The following MBNL2 variants were observed in gnomAD, a reference collection of about 807,000 sequenced individuals.
The protein encoded by MBNL2 is muscleblind-like protein 2.
A neutral mutation model predicts 41.9 loss-of-function variants in MBNL2; 17 were observed. The ratio of observed to expected loss-of-function variants is 0.41; its 90% CI spans 0.28 to 0.61. The LOEUF (loss-of-function observed/expected upper bound fraction) is 0.61. Among genes scored for constraint, MBNL2 ranks in the 20% least tolerant of loss-of-function variants. The pLI is 0.35. For missense variants in MBNL2, 336 were observed against 505.6 expected, an observed-to-expected ratio of 0.66 and a Z score of 3.22; for synonymous variants, 195 against 182.9, an observed-to-expected ratio of 1.07 and a Z score of -0.53.
chr13:97,355,474 T>C (rs2062904121), intron 5 of MBNL2, among the ~76,000 whole-genome samples: 1 of 152,174 alleles, frequency 6.6e-6, no homozygotes, highest in Non-Finnish European at 1.5e-5. Context: ...GAATATAATA[T>C]TTGTATTTAT....
At chr13:97,159,546 T>G in the MBNL2 span, among the ~76,000 whole-genome samples, 3 of 152,164 alleles carry the variant, frequency 2.0e-5, no homozygotes, top group Non-Finnish European at 4.4e-5. Context: ...GGTTGTTACT[T>G]TCCATGTTTA....
the MBNL2 span, among the ~76,000 whole-genome samples, chr13:97,183,823 A>G: frequency 6.6e-6 from 1 of 152,300 alleles, no homozygotes; most frequent in South Asian, 2.1e-4. Context: ...GGCATTACCA[A>G]TCTTTCTCAG....
chr13:97,313,344 T>G (rs537093237), intron 2 of MBNL2, among the ~76,000 whole-genome samples: 14 of 152,348 alleles, frequency 9.2e-5, no homozygotes, highest in Admixed American at 9.1e-4. Flanking sequence ...TGCATCTAAC[T>G]GCACTCTTGT....
the MBNL2 span, among the ~76,000 whole-genome samples, chr13:97,163,626 C>T: frequency 1.3e-5 from 2 of 152,132 alleles, no homozygotes; most frequent in Non-Finnish European, 2.9e-5. Flanking sequence ...ACCTGAATAC[C>T]CACTGGGTGA....
the MBNL2 span, among the ~76,000 whole-genome samples, chr13:97,157,434 G>C: frequency 8.0e-6 from 1 of 124,466 alleles, no homozygotes; most frequent in Non-Finnish European, 1.7e-5. Context: ...ACACTATGTT[G>C]AATAGGAGTG....
the MBNL2 span, among the ~76,000 whole-genome samples, chr13:97,210,571 ATTTTTTTTTTTTTTTTTT>A: frequency 2.9e-4 from 19 of 65,410 alleles, no homozygotes; most frequent in Admixed American, 1.0e-3. Flanking sequence ...ACAACTGTGA[ATTTTTTTTTTTTTTTTTT>A]TTTTTTTTTT....
intron 1 of MBNL2, among the ~76,000 whole-genome samples, chr13:97,271,112 GTT>G (rs369155404): frequency 8.5e-4 from 114 of 133,396 alleles, no homozygotes; most frequent in Middle Eastern, 3.9e-3. Context: ...GCTCTTTTTT[GTT>G]TTTTTTTTTT....
intron 2 of MBNL2, among the ~76,000 whole-genome samples, chr13:97,281,348 C>T (rs1049331886): frequency 6.6e-6 from 1 of 152,164 alleles, no homozygotes; most frequent in East Asian, 1.9e-4. Flanking sequence ...ATTTCAAAAT[C>T]AGGGAGTTCT....
upstream of MBNL2, among the ~76,000 whole-genome samples, chr13:97,218,435 C>CAA (rs748001765): frequency 1.9e-4 from 13 of 67,574 alleles, no homozygotes; most frequent in African/African-American, 9.3e-4. Context: ...CAAAACAAAA[C>CAA]AAAACAAAAA....
At chr13:97,170,726 A>G in the MBNL2 span, among the ~76,000 whole-genome samples, 1 of 152,228 alleles carries the variant, frequency 6.6e-6, no homozygotes. Context: ...TCAAAAGGCC[A>G]ATCTCAGGTT....
At chr13:97,208,230 C>T in the MBNL2 span, among the ~76,000 whole-genome samples, 6 of 152,160 alleles carry the variant, frequency 3.9e-5, no homozygotes, top group African/African-American at 1.2e-4. Flanking sequence ...CATTGATTCC[C>T]ACATAAGCCC....
chr13:97,377,952 T>A (rs2153150546), intron 8 of MBNL2, among the ~76,000 whole-genome samples: 1 of 152,324 alleles, frequency 6.6e-6, no homozygotes, highest in East Asian at 1.9e-4. Flanking sequence ...GTGGAACTTA[T>A]GTGGGGAGAG....
chr13:97,207,405 G>A, the MBNL2 span, among the ~76,000 whole-genome samples: 1 of 152,146 alleles, frequency 6.6e-6, no homozygotes, highest in Non-Finnish European at 1.5e-5. Context: ...CACGTGGCTG[G>A]GGAAGCCTCA....
At chr13:97,170,830 C>T in the MBNL2 span, among the ~76,000 whole-genome samples, 1 of 152,206 alleles carries the variant, frequency 6.6e-6, no homozygotes, top group Non-Finnish European at 1.5e-5. Context: ...CTCTCCTCTC[C>T]CTAGCCTGGT....
At chr13:97,353,786 A>C (rs1390925203) in intron 5 of MBNL2, among the ~76,000 whole-genome samples, 1 of 152,170 alleles carries the variant, frequency 6.6e-6, no homozygotes, top group African/African-American at 2.4e-5. Flanking sequence ...GGAATGACAC[A>C]AGGAAAGAAC....
At chr13:97,203,721 A>G in the MBNL2 span, among the ~76,000 whole-genome samples, 4 of 152,138 alleles carry the variant, frequency 2.6e-5, no homozygotes, top group African/African-American at 7.2e-5. Context: ...TCATTTTTAA[A>G]TACTCTATGT....
chr13:97,205,321 C>T, the MBNL2 span, among the ~76,000 whole-genome samples: 1 of 149,618 alleles, frequency 6.7e-6, no homozygotes, highest in Non-Finnish European at 1.5e-5. Flanking sequence ...AACCTAGGAG[C>T]CAGAGGTACA....
chr13:97,355,005 C>T (rs1245411457), intron 5 of MBNL2, among the ~76,000 whole-genome samples: 6 of 152,100 alleles, frequency 3.9e-5, no homozygotes, highest in Admixed American at 3.9e-4. Flanking sequence ...AAAAGAAAAC[C>T]CTGCACTACT....
intron 7 of MBNL2, 68 bp downstream of exon 7, chr13:97,357,703 C>T: frequency 6.7e-7 from 1 of 1,487,036 alleles, no homozygotes; most frequent in African/African-American, 1.4e-5. Flanking sequence ...TTTCTCTAAG[C>T]TGTTTGGTGG....
Sources: allele counts gnomAD v4.1 joint callset (sites outside exome capture counted in the v4.1 genomes callset), GRCh38; gene constraint gnomAD v4.1.1; transcripts MANE v1.5; gene names NCBI Gene and HGNC (gene_info 2026-07-23, HGNC 2026-07-21).